Variants in TMC7 observed in about 807,000 individuals in gnomAD.
TMC7 encodes the protein transmembrane channel-like protein 7.
TMC7 carries 54 observed loss-of-function variants against 82.9 expected under a neutral mutation model. The observed-to-expected ratio is 0.65, with a 90% CI of 0.52 to 0.82. The LOEUF is 0.82. TMC7 is among the 40% of genes least tolerant of loss of function. The probability of loss-of-function intolerance (pLI) is 0.00; values close to 1 mark genes in which losing one functional copy is unlikely to be tolerated. For missense variants in TMC7, 820 were observed against 901.2 expected (o/e 0.91, Z 1.15); for synonymous variants, 350 against 337.9 (o/e 1.04, Z -0.39).
At chr16:18,997,206 A>T (rs896641830) in intron 1 of TMC7, among the ~76,000 whole-genome samples, 3 of 152,240 alleles carry the variant, frequency 2.0e-5, no homozygotes, top group African/African-American at 7.2e-5. Flanking sequence ...AATGTCTCAC[A>T]TGTCTATGTG....
Position 19,056,602 on chromosome 16 carries a change from C to T in TMC7, c.1932C>T (p.Ile644=). ...FTNFNTTWEV[I]PKTVSTFPSS... ...ACTTCAACACCACCTGGGAGGTCAT[C>T]CCCAAGACGGTGAGCACCTTCCCCA... The change falls in exon 14 of 16, where the codon ATC becomes ATT. Residue 644 remains isoleucine, a synonymous_variant. Coordinates refer to ENST00000304381, the MANE Select transcript of TMC7 (RefSeq NM_024847.4). 1 of 1,614,026 alleles carries T rather than the reference C, an allele frequency of 6.2e-7. No individual in the cohort carries two copies. The highest frequency in any genetic ancestry group is 8.5e-7 in the Non-Finnish European group (1 of 1,179,992).
chr16:19,000,988 G>T (rs2142146864), intron 1 of TMC7, among the ~76,000 whole-genome samples: 1 of 152,210 alleles, frequency 6.6e-6, no homozygotes, highest in Non-Finnish European at 1.5e-5. Flanking sequence ...ACTCTAGTGT[G>T]GGTGACAGAG....
intron 6 of TMC7, among the ~76,000 whole-genome samples, chr16:19,032,917 G>A (rs1041651680): frequency 2.6e-5 from 4 of 152,082 alleles, no homozygotes; most frequent in East Asian, 1.9e-4. Flanking sequence ...GTGAGCCACC[G>A]CACCCAGCCG....
chr16:19,024,593 T>C (rs910344147), intron 5 of TMC7, among the ~76,000 whole-genome samples: 16 of 152,202 alleles, frequency 1.1e-4, no homozygotes, highest in African/African-American at 3.9e-4. Context: ...AGGATCATGC[T>C]CTGTTGCCCA....
At chr16:19,054,373 T>TC (rs1189421321) in intron 13 of TMC7, among the ~76,000 whole-genome samples, 1 of 151,822 alleles carries the variant, frequency 6.6e-6, no homozygotes, top group Non-Finnish European at 1.5e-5. Flanking sequence ...TCCATGATCT[T>TC]CCCCCCCAAC....
chr16:18,987,963 C>T (rs553598661), intron 1 of TMC7, among the ~76,000 whole-genome samples: 1 of 152,254 alleles, frequency 6.6e-6, no homozygotes, highest in Non-Finnish European at 1.5e-5. Context: ...AGGCAAAACT[C>T]AACAGCCCCT....
At chr16:19,023,072 A>G (rs754888785) in intron 4 of TMC7, 41 bp from the exon 5 acceptor site, 4 of 1,360,472 alleles carry the variant, frequency 2.9e-6, no homozygotes, top group African/African-American at 1.4e-5. Flanking sequence ...TATAGAGACT[A>G]AAACTGTTTC....
At chr16:19,001,517 T>G (rs891962006) in intron 1 of TMC7, among the ~76,000 whole-genome samples, 1 of 152,056 alleles carries the variant, frequency 6.6e-6, no homozygotes, top group African/African-American at 2.4e-5. Flanking sequence ...CTCATCTCTA[T>G]TAAAATATAT....
chr16:18,999,026 G>A (rs1479077162), intron 1 of TMC7, among the ~76,000 whole-genome samples: 1 of 152,192 alleles, frequency 6.6e-6, no homozygotes, highest in East Asian at 1.9e-4. Context: ...TGCTGTGATT[G>A]AGGCCCCTCT....
intron 2 of TMC7, among the ~76,000 whole-genome samples, chr16:19,012,639 A>G (rs1959425670): frequency 6.6e-6 from 1 of 151,460 alleles, no homozygotes; most frequent in African/African-American, 2.4e-5. Context: ...AAATACAAAA[A>G]TTAGCCAGGT....
chr16:19,008,018 T>A (rs1462642301), intron 1 of TMC7, among the ~76,000 whole-genome samples: 5 of 152,350 alleles, frequency 3.3e-5, no homozygotes, highest in African/African-American at 1.2e-4. Context: ...CACAAAGACA[T>A]ACAGCTAATA....
intron 11 of TMC7, 96 bp from the exon 12 acceptor site, chr16:19,046,967 A>T: frequency 7.6e-6 from 8 of 1,057,182 alleles, no homozygotes; most frequent in Non-Finnish European, 1.1e-5. Context: ...ACCAGTGTCC[A>T]TGAGAAATAT....
intron 2 of TMC7, among the ~76,000 whole-genome samples, chr16:19,012,766 G>A (rs1457730973): frequency 1.8e-5 from 2 of 111,430 alleles, no homozygotes; most frequent in East Asian, 3.0e-4. Flanking sequence ...TCCAGCCTGG[G>A]CGACAGAGTG....
chr16:19,040,735 A>C (rs1003170015), intron 9 of TMC7, among the ~76,000 whole-genome samples: 1 of 152,188 alleles, frequency 6.6e-6, no homozygotes, highest in Non-Finnish European at 1.5e-5. Context: ...CAGAAATGAC[A>C]GCTATAAGGC....
chr16:19,006,027 C>T (rs142545126), intron 1 of TMC7, among the ~76,000 whole-genome samples: 7 of 152,292 alleles, frequency 4.6e-5, no homozygotes, highest in Non-Finnish European at 7.4e-5. Flanking sequence ...AGGCCTTGAC[C>T]GGTCCCCACC....
Position 18,992,483 on chromosome 16 carries a change from G to A in TMC7, c.67+8353G>A, listed in dbSNP as rs560209467. Among the ~76,000 whole-genome samples the A allele has an allele frequency of 2.0e-3, 310 of 152,218 alleles. 2 individuals are homozygous for A. The highest frequency in any genetic ancestry group is 6.8e-3 in the Middle Eastern group (2 of 294). On this transcript the variant is annotated intron_variant, in intron 1 of 15. Transcript: ENST00000304381. Reference sequence around the variant, plus strand: ...TGTAAATTTGTTTGAGTTCTTTGTAGATTCCGGATATTAGCCTTTTGTCAG... The same window carrying A: ...TGTAAATTTGTTTGAGTTCTTTGTAAATTCCGGATATTAGCCTTTTGTCAG...
chr16:18,988,804 C>A (rs1596710122), intron 1 of TMC7, among the ~76,000 whole-genome samples: 1 of 152,178 alleles, frequency 6.6e-6, no homozygotes, highest in East Asian at 1.9e-4. Context: ...AATCCCAGCA[C>A]TCTGGGATGC....
chr16:19,032,890 G>T (rs1960582678), intron 6 of TMC7, among the ~76,000 whole-genome samples: 1 of 152,196 alleles, frequency 6.6e-6, no homozygotes, highest in Admixed American at 6.5e-5. Flanking sequence ...GCCTCCCACA[G>T]TGCTGGGATT....
chr16:19,040,554 G>T (rs1371996402), intron 9 of TMC7, 108 bp downstream of exon 9: 11 of 1,018,268 alleles, frequency 1.1e-5, no homozygotes, highest in Admixed American at 4.5e-5. Context: ...TTCCTGCTGA[G>T]CCAAGAGTCC....
Sources: allele counts gnomAD v4.1 joint callset (sites outside exome capture counted in the v4.1 genomes callset), GRCh38; gene constraint gnomAD v4.1.1; transcripts MANE v1.5; gene names NCBI Gene and HGNC (gene_info 2026-07-23, HGNC 2026-07-21).